Variants in KRT7 observed in about 807,000 individuals in gnomAD.
KRT7 encodes the protein keratin, type II cytoskeletal 7.
A neutral mutation model predicts 42.8 loss-of-function variants in KRT7; 50 were observed. The observed-to-expected ratio is 1.17, with a 90% confidence interval of 0.93 to 1.48. KRT7 has a LOEUF of 1.48. Among genes scored for constraint, KRT7 ranks in the 40% most tolerant of loss-of-function variants. KRT7 has a pLI of 0.00. For missense variants in KRT7, 588 were observed against 637.6 expected (o/e 0.92, Z 0.84); for synonymous variants, 268 against 266.3 (o/e 1.01, Z -0.06).
At chr12:52,247,056 G>A (rs1942184387) in intron 7 of KRT7, 1 of 152,160 alleles carries the variant, frequency 6.6e-6, no homozygotes, top group African/African-American at 2.4e-5. Flanking sequence ...CAACCCTGGG[G>A]GGATATGGAG....
At chr12:52,243,932 A>G (rs944599619) in intron 6 of KRT7, among the ~76,000 whole-genome samples, 6 of 152,252 alleles carry the variant, frequency 3.9e-5, no homozygotes, top group African/African-American at 7.2e-5. Context: ...CACCTGGCAC[A>G]TGGCAGGGGC....
chr12:52,246,093 T>C (rs1942165826), intron 7 of KRT7: 1 of 161,006 alleles, frequency 6.2e-6, no homozygotes, highest in African/African-American at 2.4e-5. Context: ...TGCTACATCA[T>C]GTGGGGCTAA....
chr12:52,245,114 T>C (rs1303344403), intron 6 of KRT7: 3 of 513,186 alleles, frequency 5.8e-6, no homozygotes, highest in African/African-American at 1.9e-5. Flanking sequence ...ACATCTTGTA[T>C]ATTATCTCAT....
intron 5 of KRT7, 46 bp from the exon 6 acceptor site, chr12:52,242,966 C>T (rs1592393292): frequency 1.3e-6 from 2 of 1,573,090 alleles, no homozygotes; most frequent in Admixed American, 1.8e-5. Flanking sequence ...GTTACCTGTA[C>T]TCACTGCCCA....
In KRT7 at chr12:52,235,160, G is replaced by A; in HGVS notation, c.330G>A (p.Arg110=). Residue 110 remains arginine (R), a synonymous_variant, in exon 2 of 9, where the codon CGG becomes CGA. Transcript: ENST00000331817. ...CTCCTTCTCGCCCGTTCTAGGTGCGGTTTCTGGAGCAGCAGAACAAGCTGC... is the reference window on the plus strand; with the variant it reads ...CTCCTTCTCGCCCGTTCTAGGTGCGATTTCTGGAGCAGCAGAACAAGCTGC... ...NKFASFIDKV[R]FLEQQNKLLE... is the part of the protein sequence containing the mutation. The A allele has an allele frequency of 6.2e-7, 1 of 1,614,070 alleles. No individual in the cohort carries two copies. The highest frequency in any genetic ancestry group is 1.1e-5 in the South Asian group (1 of 91,082).
intron 7 of KRT7, chr12:52,245,893 A>T (rs879776480): frequency 2.0e-6 from 1 of 505,776 alleles, no homozygotes; most frequent in Non-Finnish European, 3.5e-6. Flanking sequence ...TCTTAGGGTT[A>T]TCATATTTGA....
At position 52,233,337 on chromosome 12, in the gene KRT7, C is replaced by A; in HGVS notation, c.41C>A (p.Ser14Ter). Residue 14 changes from serine to a stop codon, truncating the protein, a stop_gained, in exon 1 of 9, where the codon TCA (serine) becomes TAA (stop). Transcript: ENST00000331817. LOFTEE classifies it high-confidence loss of function. Reference protein sequence around the residue: ...HFSSPVFTSRSAAFSGRGAQV... With the variant: ...HFSSPVFTSR ...AGCTCCCCGGTATTCACCTCGCGCTCAGCCGCCTTCTCGGGCCGCGGCGCC... is the reference window on the plus strand; with the variant it reads ...AGCTCCCCGGTATTCACCTCGCGCTAAGCCGCCTTCTCGGGCCGCGGCGCC... The A allele has an allele frequency of 6.4e-7, 1 of 1,571,338 alleles. No homozygotes were observed. Among genetic ancestry groups the A allele is most frequent in the South Asian group, 1.2e-5 (1 of 86,316 alleles).
At chr12:52,250,777 C>T (rs1444144936), downstream of KRT7, 6 of 395,168 alleles carry the variant, frequency 1.5e-5, no homozygotes, top group African/African-American at 8.5e-5. Context: ...TAGCCTCAGG[C>T]GTCCTTGATA....
At chr12:52,253,253 A>G, downstream of KRT7, 1 of 1,610,956 alleles carries the variant, frequency 6.2e-7, no homozygotes, top group Non-Finnish European at 8.5e-7. Flanking sequence ...CAGCCTCTGG[A>G]TCATGCGGTT....
chr12:52,250,652 G>A, downstream of KRT7: 1 of 697,140 alleles, frequency 1.4e-6, no homozygotes, highest in Non-Finnish European at 2.5e-6. Flanking sequence ...CTGCCAGAGG[G>A]GGAGGACAGG....
downstream of KRT7, chr12:52,248,940 T>G: frequency 1.9e-6 from 1 of 521,764 alleles, no homozygotes; most frequent in Non-Finnish European, 3.1e-6. Context: ...GTATCCTGGC[T>G]TCATGAGGCT....
In KRT7 at chr12:52,243,119, C is replaced by G. The variant is rs140473746; in HGVS notation, c.966C>G (p.Ile322Met). The G allele has an allele frequency of 2.5e-6, 4 of 1,612,532 alleles. No individual in the cohort carries two copies. In the African/African-American group the frequency reaches 5.3e-5, roughly 22 times the overall value. The change falls in exon 6 of 9, where the codon ATC (isoleucine) becomes ATG (methionine). Residue 322 changes from isoleucine to methionine, a missense_variant. Transcript: ENST00000331817. The stretch of plus-strand genomic sequence containing the variant: ...CCATCCAGAGGCTGCAGGCTGAGAT[C>G]GACAACATCAAGAACCAGGTGGGAC... ...NRAIQRLQAE[I>M]DNIKNQRAKL...
intron 5 of KRT7, 61 bp downstream of exon 5, chr12:52,241,697 C>A: frequency 1.4e-6 from 2 of 1,458,206 alleles, no homozygotes; most frequent in East Asian, 2.3e-5. Context: ...GCTTCCCTTA[C>A]TCCTCAACTT....
At chr12:52,243,181 AG>A in intron 6 of KRT7, 44 bp downstream of exon 6, 2 of 1,575,602 alleles carry the variant, frequency 1.3e-6, no homozygotes, top group Non-Finnish European at 1.7e-6. Context: ...TGGGGCATGC[AG>A]GGGTGGCCAG....
rs376759193 is a variant in KRT7 at position 52,248,626 on chromosome 12, G to A, written c.1276G>A (p.Gly426Ser). 1.8e-5 allele frequency: 29 copies of A among 1,602,830 alleles called. No individual in the cohort carries two copies. The African/African-American group carries it at 2.3e-4, about 13-fold the overall frequency. ...TTCCACTGGTGGCAGTAGCAGTGGC[G>A]GTGGCATTGGGCTGACCCTCGGGGG... ...MNSTGGSSSG[G>S]GIGLTLGGTM... The change falls in exon 9 of 9, where the codon GGT (glycine) becomes AGT (serine). Residue 426 changes from glycine (G) to serine (S), a missense_variant. Physicochemically the swap from Gly to Ser is moderately conservative, Grantham distance 56. Transcript: ENST00000331817.
intron 3 of KRT7, 142 bp from the exon 4 acceptor site, chr12:52,238,538 A>G: frequency 1.6e-6 from 1 of 634,716 alleles, no homozygotes; most frequent in African/African-American, 1.8e-5. Flanking sequence ...GACCATGTAC[A>G]GCAGCTGTAG....
At chr12:52,244,503 C>T in intron 6 of KRT7, 1 of 985,892 alleles carries the variant, frequency 1.0e-6, no homozygotes, top group South Asian at 4.7e-5. Context: ...GGGCACCGAG[C>T]TGTGGCCGAG....
chr12:52,238,809 C>A, intron 4 of KRT7, 34 bp downstream of exon 4: 2 of 1,345,122 alleles, frequency 1.5e-6, no homozygotes, highest in Non-Finnish European at 2.1e-6. Context: ...CATGTCTTAT[C>A]CTACCCATTC....
At position 52,248,665 on chromosome 12, in the gene KRT7, A is replaced by G. The variant is rs1327010664; in HGVS notation, c.1315A>G (p.Asn439Asp). ...GLTLGGTMGS[N>D]ALSFSSSAGP... is the part of the protein sequence containing the mutation. ...GACCCTCGGGGGAACCATGGGCAGC[A>G]ATGCCCTGAGCTTCTCCAGCAGTGC... is the stretch of plus-strand genomic sequence containing the variant. Residue 439 changes from asparagine (N) to aspartate (D), a missense_variant, in exon 9 of 9, where the codon AAT (asparagine) becomes GAT (aspartate). Physicochemically the swap from Asn to Asp is conservative, Grantham distance 23 (BLOSUM62 1). Coordinates refer to ENST00000331817, the MANE Select transcript of KRT7 (RefSeq NM_005556.4). The G allele has an allele frequency of 9.9e-6, 16 of 1,613,186 alleles. No individual in the cohort carries two copies. The highest frequency in any genetic ancestry group is 1.4e-5 in the Non-Finnish European group (16 of 1,179,542).
Sources: allele counts gnomAD v4.1 joint callset (sites outside exome capture counted in the v4.1 genomes callset), GRCh38; gene constraint gnomAD v4.1.1; transcripts MANE v1.5; gene names NCBI Gene and HGNC (gene_info 2026-07-23, HGNC 2026-07-21).